Variants in MTRF1 observed in about 807,000 individuals in gnomAD.
The protein encoded by MTRF1 is peptide chain release factor 1, mitochondrial.
A neutral mutation model predicts 62.9 loss-of-function variants in MTRF1; 51 were observed. The observed-to-expected ratio is 0.81, with a 90% CI of 0.65 to 1.02. MTRF1 has a LOEUF of 1.02. MTRF1 is among the 50% of genes least tolerant of loss of function. The pLI is 0.00. For synonymous variants in MTRF1, 158 were observed against 181.9 expected (o/e 0.87, Z 1.06); for missense variants, 446 against 530.0 (o/e 0.84, Z 1.56).
the MTRF1 span, among the ~76,000 whole-genome samples, chr13:41,281,963 C>T: frequency 3.5e-3 from 535 of 151,858 alleles, 4 homozygotes; most frequent in African/African-American, 0.011. Flanking sequence ...GGTGAAACCC[C>T]GTCTCTACTA....
the MTRF1 span, among the ~76,000 whole-genome samples, chr13:41,273,704 G>A: frequency 6.6e-6 from 1 of 152,060 alleles, no homozygotes; most frequent in African/African-American, 2.4e-5. Flanking sequence ...GAGCGTGGTG[G>A]TGCACACCTG....
chr13:41,262,933 A>G (rs1203412565), intron 1 of MTRF1, among the ~76,000 whole-genome samples: 1 of 152,244 alleles, frequency 6.6e-6, no homozygotes, highest in Non-Finnish European at 1.5e-5. Flanking sequence ...AGGAAATAAA[A>G]TAGTCAGAAT....
intron 5 of MTRF1, among the ~76,000 whole-genome samples, chr13:41,247,426 G>GA (rs578051687): frequency 1.1e-3 from 168 of 152,322 alleles, no homozygotes; most frequent in African/African-American, 3.7e-3. Flanking sequence ...AGGTACCAGG[G>GA]ATTATGTTAA....
chr13:41,250,577 C>T (rs576208792), intron 5 of MTRF1, among the ~76,000 whole-genome samples: 1 of 151,720 alleles, frequency 6.6e-6, no homozygotes, highest in Non-Finnish European at 1.5e-5. Context: ...CACTGCAACC[C>T]GTGCCTCCTG....
At chr13:41,262,061 G>A (rs9285146) in intron 1 of MTRF1, 79,208 of 151,294 alleles carry the variant, frequency 0.52, 21,552 homozygotes, top group South Asian at 0.62. Flanking sequence ...AATGTGCCGA[G>A]CACAGTGGCT....
chr13:41,269,884 C>T, the MTRF1 span, among the ~76,000 whole-genome samples: 10 of 152,266 alleles, frequency 6.6e-5, no homozygotes, highest in African/African-American at 2.2e-4. Flanking sequence ...CATTCCTGAG[C>T]GTAGGCCAAA....
At chr13:41,311,811 CA>C in the MTRF1 span, among the ~76,000 whole-genome samples, 2 of 152,206 alleles carry the variant, frequency 1.3e-5, no homozygotes, top group Non-Finnish European at 2.9e-5. Context: ...CGGCTCGCCT[CA>C]CCCCCGCCGC....
chr13:41,249,609 A>ATTT (rs1364011606), intron 5 of MTRF1, among the ~76,000 whole-genome samples: 4 of 84,580 alleles, frequency 4.7e-5, no homozygotes, highest in African/African-American at 4.4e-5. Context: ...TTAGTCTTTG[A>ATTT]TTTTTTTTTC....
At chr13:41,273,920 A>G in the MTRF1 span, among the ~76,000 whole-genome samples, 1 of 152,222 alleles carries the variant, frequency 6.6e-6, no homozygotes, top group Non-Finnish European at 1.5e-5. Flanking sequence ...GGACAACTCC[A>G]AGCTGGGAAG....
chr13:41,233,992 C>T lies in MTRF1; in HGVS notation c.886G>A (p.Asp296Asn), dbSNP rs943477157. ...GTATCTATTCGCAAATCCTTGGGGT[C>T]CAATTTCACATCCACCTAGAACAGA... ...PQPDEVDVKL[D>N]PKDLRIDTFR... Residue 296 changes from aspartate to asparagine, a missense_variant, in exon 7 of 10, where the codon GAC becomes AAC. Physicochemically the swap from Asp to Asn is conservative, Grantham distance 23. Transcript: ENST00000379480. 1.9e-6 allele frequency: 3 copies of T among 1,613,020 alleles called. No homozygotes were observed. In the African/African-American group the frequency reaches 4.0e-5, roughly 22 times the overall value.
At chr13:41,236,512 T>G (rs1375035087) in intron 6 of MTRF1, 1 of 152,250 alleles carries the variant, frequency 6.6e-6, no homozygotes, top group African/African-American at 2.4e-5. Context: ...CTTTTCTCTT[T>G]GAAAAGTAAC....
rs779514818 is a variant in MTRF1, at chr13:41,254,536, T to C, written c.500A>G (p.Tyr167Cys). Reference sequence around the variant, plus strand: ...CGACCTCTGAAAACCTACCTCATTGTACAACATGTTGATTTTTTGATCAAT... The same window carrying C: ...CGACCTCTGAAAACCTACCTCATTGCACAACATGTTGATTTTTTGATCAAT... Reference protein sequence around the residue: ...QTIDQKINMLYNELFQSLVPK... With the variant: ...QTIDQKINMLCNELFQSLVPK... The change falls in exon 3 of 10, where the codon TAC becomes TGC. Residue 167 changes from tyrosine (Y) to cysteine (C), a missense_variant. Transcript: ENST00000379480. 1 of 1,612,994 alleles carries C rather than the reference T, an allele frequency of 6.2e-7. No individual in the cohort carries two copies. Among genetic ancestry groups the C allele is most frequent in the South Asian group, 1.1e-5 (1 of 91,008 alleles).
upstream of MTRF1, among the ~76,000 whole-genome samples, chr13:41,268,342 C>G (rs964919582): frequency 6.6e-6 from 1 of 151,602 alleles, no homozygotes; most frequent in Non-Finnish European, 1.5e-5. Flanking sequence ...TTAATTAGAT[C>G]AAAAAAAGAC....
the MTRF1 span, among the ~76,000 whole-genome samples, chr13:41,274,096 CT>C: frequency 1.3e-5 from 2 of 152,190 alleles, no homozygotes; most frequent in African/African-American, 4.8e-5. Context: ...CCCAGCTTGA[CT>C]TTTCCCTTTA....
At chr13:41,217,987 T>C (rs2138613631) in intron 9 of MTRF1, among the ~76,000 whole-genome samples, 1 of 152,360 alleles carries the variant, frequency 6.6e-6, no homozygotes, top group South Asian at 2.1e-4. Flanking sequence ...GTCTGCAATT[T>C]GCTTTCAAAT....
chr13:41,299,050 C>T, the MTRF1 span, among the ~76,000 whole-genome samples: 8 of 151,854 alleles, frequency 5.3e-5, no homozygotes, highest in Non-Finnish European at 8.8e-5. Context: ...GCGTGACGCA[C>T]GCCTGTAAAT....
the MTRF1 span, among the ~76,000 whole-genome samples, chr13:41,269,016 CTT>C: frequency 5.2e-3 from 722 of 138,626 alleles, 8 homozygotes; most frequent in African/African-American, 0.017. Context: ...GTGACCATCC[CTT>C]TTTTTTTTTT....
the MTRF1 span, among the ~76,000 whole-genome samples, chr13:41,280,029 C>A: frequency 6.6e-6 from 1 of 152,114 alleles, no homozygotes; most frequent in East Asian, 1.9e-4. Context: ...CCTCCGTCTC[C>A]CAGGTTCAAG....
In MTRF1 at chr13:41,249,636, T is replaced by C. The variant is rs1420539384; in HGVS notation, c.697+3009A>G. Among the ~76,000 whole-genome samples, 3 of 127,726 alleles carry C rather than the reference T, an allele frequency of 2.3e-5. No homozygotes were observed. In the East Asian group the frequency reaches 6.7e-4, roughly 28 times the overall value. 83.8% of individuals were successfully genotyped at this position (127,726 alleles called of 152,430 possible). On this transcript the variant is annotated intron_variant, in intron 5 of 9. Transcript: ENST00000379480. The stretch of plus-strand genomic sequence containing the variant: ...TTTTTTTTCTTTTTTTTTTTTTTTT[T>C]TTTTTTTTGGAGATGGGAGTCATTC...
Sources: allele counts gnomAD v4.1 joint callset (sites outside exome capture counted in the v4.1 genomes callset), GRCh38; gene constraint gnomAD v4.1.1; transcripts MANE v1.5; gene names NCBI Gene and HGNC (gene_info 2026-07-23, HGNC 2026-07-21).